The following TUSC3 variants were observed in gnomAD, a reference collection of about 807,000 sequenced individuals.
The protein encoded by TUSC3 is tumor suppressor candidate 3.
TUSC3 carries 45 observed loss-of-function variants against 44.8 expected under a neutral mutation model. The observed-to-expected ratio is 1.00, with a 90% confidence interval of 0.79 to 1.29. TUSC3 has a LOEUF of 1.29. TUSC3 is among the 50% of genes most tolerant of loss of function. TUSC3 has a pLI of 0.00. For missense variants in TUSC3, 519 were observed against 437.9 expected, an observed-to-expected ratio of 1.19 and a Z score of -1.65; for synonymous variants, 212 against 152.9, an observed-to-expected ratio of 1.39 and a Z score of -2.85.
intron 1 of TUSC3, among the ~76,000 whole-genome samples, chr8:15,439,319 A>C (rs1799991813): frequency 6.6e-6 from 1 of 152,146 alleles, no homozygotes. Context: ...TAATCCCAGC[A>C]CTTTAGGAAG....
intron 1 of TUSC3, among the ~76,000 whole-genome samples, chr8:15,466,478 T>C (rs73191180): frequency 1.0e-3 from 152 of 152,316 alleles, no homozygotes; most frequent in Non-Finnish European, 1.7e-3. Context: ...AAAATGCTTA[T>C]ATAAAATTAG....
At chr8:15,739,176 CTAGT>C (rs755814909) in intron 7 of TUSC3, among the ~76,000 whole-genome samples, 4 of 152,078 alleles carry the variant, frequency 2.6e-5, no homozygotes, top group Admixed American at 2.0e-4. Flanking sequence ...TTTTATATGG[CTAGT>C]TAACCTGTCA....
chr8:15,539,583 C>G (rs1010593006), upstream of TUSC3, among the ~76,000 whole-genome samples: 10 of 151,958 alleles, frequency 6.6e-5, no homozygotes, highest in African/African-American at 2.4e-4. Context: ...AACTCCTGAC[C>G]TCAGGTGAGC....
chr8:15,658,724 T>C (rs2129178714), intron 3 of TUSC3, among the ~76,000 whole-genome samples: 1 of 151,674 alleles, frequency 6.6e-6, no homozygotes, highest in East Asian at 1.9e-4. Flanking sequence ...TATATACAAA[T>C]ATATATATTT....
chr8:15,845,634 T>A, the TUSC3 span, among the ~76,000 whole-genome samples: 1 of 152,138 alleles, frequency 6.6e-6, no homozygotes, highest in Non-Finnish European at 1.5e-5. Context: ...AACTGACCCT[T>A]TTGTAGCCCT....
intron 1 of TUSC3, among the ~76,000 whole-genome samples, chr8:15,426,639 A>C (rs2129116173): frequency 6.6e-6 from 1 of 152,308 alleles, no homozygotes; most frequent in African/African-American, 2.4e-5. Context: ...TTCTTCTGTC[A>C]ATGGACACTT....
chr8:15,823,922 T>C, the TUSC3 span, among the ~76,000 whole-genome samples: 1 of 152,214 alleles, frequency 6.6e-6, no homozygotes, highest in Non-Finnish European at 1.5e-5. Flanking sequence ...TAGTATGATC[T>C]GAAATGGAAT....
chr8:15,665,329 C>G (rs1807611714), intron 5 of TUSC3, among the ~76,000 whole-genome samples: 1 of 151,404 alleles, frequency 6.6e-6, no homozygotes, highest in African/African-American at 2.4e-5. Context: ...CCCATGCTGA[C>G]TTTTTAGTAA....
chr8:15,820,797 G>A, the TUSC3 span, among the ~76,000 whole-genome samples: 3 of 152,096 alleles, frequency 2.0e-5, no homozygotes, highest in African/African-American at 4.8e-5. Context: ...ATTTTGGAAA[G>A]GCTTTAGATA....
At chr8:15,759,904 A>G (rs1812099556) in intron 10 of TUSC3, among the ~76,000 whole-genome samples, 1 of 152,080 alleles carries the variant, frequency 6.6e-6, no homozygotes, top group South Asian at 2.1e-4. Context: ...GTCACACAAG[A>G]TGGAAATCTT....
chr8:15,734,490 C>G (rs1270109754), intron 7 of TUSC3, among the ~76,000 whole-genome samples: 5 of 152,164 alleles, frequency 3.3e-5, no homozygotes, highest in Non-Finnish European at 7.4e-5. Context: ...TATAAACCAT[C>G]TAAAAATAAC....
chr8:15,462,798 A>G (rs904037286), intron 1 of TUSC3, among the ~76,000 whole-genome samples: 10 of 152,138 alleles, frequency 6.6e-5, no homozygotes, highest in African/African-American at 2.4e-4. Context: ...AACTTCCAAC[A>G]GTGAGCAGAA....
At chr8:15,575,957 A>G (rs1175807864) in intron 1 of TUSC3, among the ~76,000 whole-genome samples, 1 of 131,784 alleles carries the variant, frequency 7.6e-6, no homozygotes, top group Admixed American at 7.5e-5. Flanking sequence ...ATTCAATAAT[A>G]TATTGTGAAT....
At chr8:15,751,343 A>AGAGGT (rs1276883228) in intron 9 of TUSC3, among the ~76,000 whole-genome samples, 1 of 152,210 alleles carries the variant, frequency 6.6e-6, no homozygotes, top group Admixed American at 6.5e-5. Flanking sequence ...CCATTGCTTC[A>AGAGGT]GAGGTAACTC....
the TUSC3 span, among the ~76,000 whole-genome samples, chr8:15,792,794 G>C: frequency 2.0e-5 from 3 of 151,830 alleles, no homozygotes; most frequent in East Asian, 3.9e-4. Flanking sequence ...AATTTTTGTA[G>C]TTTTAGTAGA....
At chr8:15,840,723 A>C in the TUSC3 span, among the ~76,000 whole-genome samples, 1 of 152,182 alleles carries the variant, frequency 6.6e-6, no homozygotes, top group East Asian at 1.9e-4. Context: ...TTTCTAGAGA[A>C]AATTCCATTG....
At chr8:15,641,389 C>T (rs144985963) in intron 2 of TUSC3, among the ~76,000 whole-genome samples, 1 of 148,214 alleles carries the variant, frequency 6.7e-6, no homozygotes, top group East Asian at 2.0e-4. Context: ...AGAAAAGTTG[C>T]ATTGAGAAGA....
rs933714008 is a variant in TUSC3 at position 15,764,287 on chromosome 8, T to A, written c.*131T>A. 6.6e-7 allele frequency: 1 copy of A among 1,508,654 alleles called. No individual in the cohort carries two copies. The highest frequency in any genetic ancestry group is 1.4e-5 in the African/African-American group (1 of 72,596). 93.5% of individuals were successfully genotyped at this position (1,508,654 alleles called of 1,614,324 possible). A position where few individuals can be genotyped will look rare whatever the true frequency, so the allele number is the denominator to read the frequency against. On this transcript the variant is annotated 3_prime_UTR_variant, in exon 11 of 11. Coordinates refer to ENST00000503731, the MANE Select transcript of TUSC3 (RefSeq NM_006765.4). ...AAACTGTTCCTGACTTTATACTATT[T>A]TGAATTCATTCATTTCATTGTGATC...
At chr8:15,660,903 TTAA>T (rs869112797) in intron 4 of TUSC3, among the ~76,000 whole-genome samples, 13 of 71,814 alleles carry the variant, frequency 1.8e-4, no homozygotes, top group African/African-American at 4.4e-4. Context: ...TAAACTTTTG[TTAA>T]AAAAAAAAAA....
Sources: gnomAD v4.1 joint callset for allele counts (sites outside exome capture counted in the v4.1 genomes callset) on GRCh38, gnomAD v4.1.1 for gene constraint, MANE v1.5 for transcripts, NCBI Gene and HGNC (gene_info 2026-07-23, HGNC 2026-07-21) for gene names.